The following TBC1D5 variants were observed in gnomAD, a reference collection of about 807,000 sequenced individuals.
The protein encoded by TBC1D5 is TBC1 domain family member 5, also known as TBC1 domain family, member 5.
Under a neutral mutation model 100.3 loss-of-function variants are expected in TBC1D5, and 75 were observed. The observed-to-expected ratio is 0.75, with a 90% CI of 0.62 to 0.91. The LOEUF (loss-of-function observed/expected upper bound fraction) is 0.91, where lower values mean the gene tolerates loss of function less well. Among genes scored for constraint, TBC1D5 ranks in the 40% least tolerant of loss-of-function variants. The pLI, the probability that TBC1D5 is intolerant of heterozygous loss-of-function variation, is 0.00. For synonymous variants in TBC1D5, 323 were observed against 325.6 expected (o/e 0.99, Z 0.09); for missense variants, 910 against 942.4 (o/e 0.97, Z 0.45).
chr3:17,471,844 T>C (rs1396222322), intron 3 of TBC1D5, among the ~76,000 whole-genome samples: 4 of 152,174 alleles, frequency 2.6e-5, no homozygotes, highest in African/African-American at 9.6e-5. Flanking sequence ...CTACACGTAT[T>C]AATAGAATTT....
At chr3:17,704,952 G>T (rs1444820705) in intron 1 of TBC1D5, among the ~76,000 whole-genome samples, 1 of 113,224 alleles carries the variant, frequency 8.8e-6, no homozygotes, top group African/African-American at 3.4e-5. Flanking sequence ...GGGGCGGCTG[G>T]GCAGAGGCGC....
chr3:17,455,410 GTA>G (rs1490755840), intron 3 of TBC1D5, among the ~76,000 whole-genome samples: 4 of 146,604 alleles, frequency 2.7e-5, no homozygotes, highest in African/African-American at 1.0e-4. Context: ...ACACGTGTGT[GTA>G]TATATGTATA....
chr3:17,481,504 C>T (rs930580187), intron 3 of TBC1D5, among the ~76,000 whole-genome samples: 10 of 152,168 alleles, frequency 6.6e-5, no homozygotes, highest in Non-Finnish European at 1.3e-4. Flanking sequence ...TGCAGTGAGC[C>T]ATGATCTGCC....
At chr3:17,459,312 T>TA (rs1227474423) in intron 3 of TBC1D5, among the ~76,000 whole-genome samples, 1 of 152,160 alleles carries the variant, frequency 6.6e-6, no homozygotes, top group Admixed American at 6.5e-5. Context: ...CATCAGGCAT[T>TA]AGATTCTCAT....
At chr3:17,549,843 T>TGGC (rs1428048520) in intron 2 of TBC1D5, among the ~76,000 whole-genome samples, 1 of 151,924 alleles carries the variant, frequency 6.6e-6, no homozygotes, top group Non-Finnish European at 1.5e-5. Context: ...GGCAGGAGAA[T>TGGC]GGCTTGAACC....
chr3:17,371,597 T>A (rs1175487213), intron 13 of TBC1D5, among the ~76,000 whole-genome samples: 1 of 152,182 alleles, frequency 6.6e-6, no homozygotes, highest in African/African-American at 2.4e-5. Context: ...TTAGATGAGA[T>A]ACCATACACA....
chr3:17,315,299 C>T (rs1469512912), intron 13 of TBC1D5, among the ~76,000 whole-genome samples: 2 of 152,124 alleles, frequency 1.3e-5, no homozygotes, highest in Non-Finnish European at 2.9e-5. Flanking sequence ...AAGGAAAACA[C>T]TATTATAAAA....
At chr3:17,415,320 G>A (rs565570467) in intron 4 of TBC1D5, among the ~76,000 whole-genome samples, 1 of 151,840 alleles carries the variant, frequency 6.6e-6, no homozygotes, top group South Asian at 2.1e-4. Context: ...ACCACGCCCG[G>A]CGAAATTTTT....
At chr3:17,214,635 G>T (rs368657425) in intron 17 of TBC1D5, among the ~76,000 whole-genome samples, 6 of 138,168 alleles carry the variant, frequency 4.3e-5, no homozygotes, top group African/African-American at 1.4e-4. Context: ...CATATAAAAA[G>T]AACTAAAAAA....
intron 1 of TBC1D5, among the ~76,000 whole-genome samples, chr3:17,635,652 T>C (rs1377370996): frequency 1.3e-5 from 2 of 151,844 alleles, no homozygotes; most frequent in African/African-American, 4.8e-5. Flanking sequence ...TGCTCCAGCC[T>C]GGGCAACAAG....
chr3:17,728,027 G>A (rs1044501015), intron 1 of TBC1D5, among the ~76,000 whole-genome samples: 3 of 151,978 alleles, frequency 2.0e-5, no homozygotes, highest in African/African-American at 7.3e-5. Flanking sequence ...AAGGACAAAG[G>A]GTGGAAAATA....
At chr3:17,216,323 G>A (rs2073627889) in intron 17 of TBC1D5, among the ~76,000 whole-genome samples, 1 of 152,076 alleles carries the variant, frequency 6.6e-6, no homozygotes, top group Non-Finnish European at 1.5e-5. Flanking sequence ...AGTCAATACA[G>A]GACTCCTTTA....
intron 2 of TBC1D5, among the ~76,000 whole-genome samples, chr3:17,545,937 T>A (rs1344913005): frequency 6.6e-6 from 1 of 152,184 alleles, no homozygotes; most frequent in East Asian, 1.9e-4. Context: ...ACTAGCTTTT[T>A]CCCAACTCAA....
chr3:17,721,338 A>G (rs987340649), intron 1 of TBC1D5, among the ~76,000 whole-genome samples: 8 of 152,172 alleles, frequency 5.3e-5, no homozygotes, highest in Non-Finnish European at 1.0e-4. Flanking sequence ...GTGTAATGTC[A>G]AGTACATAGT....
chr3:17,551,245 T>A (rs1236337896), intron 2 of TBC1D5, among the ~76,000 whole-genome samples: 6 of 152,160 alleles, frequency 3.9e-5, no homozygotes. Context: ...GACCATCTGC[T>A]TGTTAGCTGA....
At chr3:17,642,808 C>T (rs11923589) in intron 1 of TBC1D5, among the ~76,000 whole-genome samples, 12,789 of 152,038 alleles carry the variant, frequency 0.084, 1,152 homozygotes, top group African/African-American at 0.23. Flanking sequence ...TAAGTAAGAA[C>T]GTACTACATC....
intron 2 of TBC1D5, among the ~76,000 whole-genome samples, chr3:17,514,561 C>A (rs1171472860): frequency 6.6e-6 from 1 of 152,144 alleles, no homozygotes; most frequent in Admixed American, 6.5e-5. Flanking sequence ...AAACAATTCA[C>A]TGTAAATTAA....
At chr3:17,388,694 A>AC (rs925635581) in intron 8 of TBC1D5, among the ~76,000 whole-genome samples, 4 of 151,282 alleles carry the variant, frequency 2.6e-5, no homozygotes, top group African/African-American at 9.7e-5. Flanking sequence ...ACAAAAAAAA[A>AC]AAAAAAAAGT....
intron 16 of TBC1D5, among the ~76,000 whole-genome samples, chr3:17,257,227 G>T (rs955824113): frequency 5.3e-5 from 8 of 152,080 alleles, no homozygotes; most frequent in African/African-American, 1.9e-4. Context: ...AAAAGGTCTT[G>T]TATAAAGAAA....
Sources: gnomAD v4.1 joint callset for allele counts (sites outside exome capture counted in the v4.1 genomes callset) on GRCh38, gnomAD v4.1.1 for gene constraint, MANE v1.5 for transcripts, NCBI Gene and HGNC (gene_info 2026-07-23, HGNC 2026-07-21) for gene names.